The following DAOA variants were observed in gnomAD, a reference collection of about 807,000 sequenced individuals.
The protein encoded by DAOA is D-amino acid oxidase regulator.
DAOA carries 15 observed loss-of-function variants against 16.4 expected under a neutral mutation model. The ratio of observed to expected loss-of-function variants is 0.91; its 90% CI spans 0.61 to 1.41. The LOEUF is 1.41. Among genes scored for constraint, DAOA ranks in the 40% most tolerant of loss-of-function variants. DAOA has a pLI of 0.00. For synonymous variants in DAOA, 75 were observed against 59.1 expected, an observed-to-expected ratio of 1.27 and a Z score of -1.23; for missense variants, 230 against 176.8, an observed-to-expected ratio of 1.30 and a Z score of -1.71.
intron 4 of DAOA, among the ~76,000 whole-genome samples, chr13:105,473,395 C>T (rs779809855): frequency 1.4e-4 from 22 of 151,730 alleles, no homozygotes; most frequent in Admixed American, 3.3e-4. Context: ...TTAGGCTTAA[C>T]GAGAATAAGC....
chr13:105,482,945 C>T (rs1258400574), intron 4 of DAOA, among the ~76,000 whole-genome samples: 1 of 152,014 alleles, frequency 6.6e-6, no homozygotes, highest in African/African-American at 2.4e-5. Flanking sequence ...TGTGAATATA[C>T]CCTAAAAACA....
chr13:105,466,998 C>A, intron 2 of DAOA, 55 bp from the exon 3 acceptor site: 1 of 1,569,792 alleles, frequency 6.4e-7, no homozygotes, highest in Non-Finnish European at 8.6e-7. Context: ...TTCTTTCTCT[C>A]TTCTGCAGGG....
rs375390962 is a variant in DAOA at position 105,482,850 on chromosome 13, CT to C, written c.282-7044del. Among the ~76,000 whole-genome samples the C allele has an allele frequency of 1.8e-4, 27 of 152,162 alleles. No homozygotes were observed. In the East Asian group the frequency reaches 4.6e-3, roughly 26 times the overall value. On this transcript the variant is annotated intron_variant, in intron 4 of 5. Transcript: ENST00000375936. ...GAAATTGTGAACTTGGAAATAGGAA[CT>C]TTTTTTAAAATCAACTTTACAGAGG...
intron 1 of DAOA, 65 bp downstream of exon 1, chr13:105,466,125 CTGA>C: frequency 9.5e-7 from 1 of 1,056,616 alleles, no homozygotes; most frequent in South Asian, 1.8e-5. Flanking sequence ...TGGCAGTGTT[CTGA>C]TGATCTTTTG....
chr13:105,483,685 A>AT (rs201367437), intron 4 of DAOA, among the ~76,000 whole-genome samples: 4,567 of 150,780 alleles, frequency 0.03, 242 homozygotes, highest in African/African-American at 0.11. Context: ...GCTCATTTTT[A>AT]TTTTTTTTCT....
intron 3 of DAOA, among the ~76,000 whole-genome samples, chr13:105,471,421 A>G (rs1876948622): frequency 6.6e-6 from 1 of 152,198 alleles, no homozygotes; most frequent in Admixed American, 6.5e-5. Context: ...TTTGATATGA[A>G]GTTTACCTAG....
chr13:105,478,544 G>A (rs1363338284), intron 4 of DAOA, among the ~76,000 whole-genome samples: 1 of 152,080 alleles, frequency 6.6e-6, no homozygotes, highest in African/African-American at 2.4e-5. Context: ...ACACATTTTG[G>A]GGCATAGGGT....
In DAOA at chr13:105,481,331, T is replaced by C. The variant is rs368972234; in HGVS notation, c.282-8570T>C. 7.9e-5 allele frequency among the ~76,000 whole-genome samples: 12 copies of C among 152,048 alleles called. No individual in the cohort carries two copies. In the East Asian group the frequency reaches 1.4e-3, roughly 17 times the overall value. On this transcript the variant is annotated intron_variant, in intron 4 of 5. Coordinates refer to ENST00000375936, the MANE Select transcript of DAOA (RefSeq NM_172370.5). ...ATCCCACTTTAAAGAAGATTTGGGG[T>C]CTTAACTTGGTTCTGTCATTGTTCA...
At chr13:105,474,204 C>G (rs761836142) in intron 4 of DAOA, among the ~76,000 whole-genome samples, 1 of 151,726 alleles carries the variant, frequency 6.6e-6, no homozygotes, top group Non-Finnish European at 1.5e-5. Context: ...AGAATAATGC[C>G]AATGGGACTA....
chr13:105,468,861 C>T (rs948374250), intron 3 of DAOA, among the ~76,000 whole-genome samples: 2 of 152,126 alleles, frequency 1.3e-5, no homozygotes, highest in Non-Finnish European at 2.9e-5. Context: ...TGTGGGTAAA[C>T]AGGGAGAAGC....
chr13:105,476,914 C>T (rs1042548849), intron 4 of DAOA, among the ~76,000 whole-genome samples: 1 of 152,122 alleles, frequency 6.6e-6, no homozygotes, highest in Admixed American at 6.5e-5. Context: ...GGGCTCCTGT[C>T]AGCACCCATG....
chr13:105,466,811 A>C lies in DAOA; in HGVS notation c.45-242A>C, dbSNP rs72549467. Reference sequence around the variant, plus strand: ...TGAGAGCCAGTAAGACCTGGAGTGAACTCTCCTGTCAGCTATTTACCAACT... The same window carrying C: ...TGAGAGCCAGTAAGACCTGGAGTGACCTCTCCTGTCAGCTATTTACCAACT... On this transcript the variant is annotated intron_variant, in intron 2 of 5. Transcript: ENST00000375936. Among the ~76,000 whole-genome samples, 1,211 of 152,184 alleles carry C rather than the reference A, an allele frequency of 8.0e-3. 11 individuals carry two copies. Among genetic ancestry groups the C allele is most frequent in the African/African-American group, 0.025 (1,054 of 41,506 alleles).
In DAOA at chr13:105,478,880, A is replaced by C. The variant is rs539387261; in HGVS notation, c.281+6195A>C. Among the ~76,000 whole-genome samples the C allele has an allele frequency of 2.0e-5, 3 of 152,286 alleles. No homozygotes were observed. The East Asian group carries it at 5.8e-4, about 29-fold the overall frequency. ...CAGATGCCTGCCTACTTGGCTGAAA[A>C]AATGGGTGATCTTCAATTTTTAGCC... On this transcript the variant is annotated intron_variant, in intron 4 of 5. Coordinates refer to ENST00000375936, the MANE Select transcript of DAOA (RefSeq NM_172370.5).
Position 105,489,916 on chromosome 13 carries a change from C to A in DAOA, c.297C>A (p.Ser99Arg). ...CTCCTTACAGGCTTGAAGAAGTAAG[C>A]AGCCATGTTGGAAAAGTCTTCATGG... is the stretch of plus-strand genomic sequence containing the variant. Reference protein sequence around the residue: ...PQPYAELEEVSSHVGKVFMAR... With the variant: ...PQPYAELEEVRSHVGKVFMAR... The change falls in exon 5 of 6, where the codon AGC becomes AGA. Residue 99 changes from serine to arginine, a missense_variant. Transcript: ENST00000375936. 6.2e-7 allele frequency: 1 copy of A among 1,613,870 alleles called. No individual in the cohort carries two copies. Among genetic ancestry groups the A allele is most frequent in the Non-Finnish European group, 8.5e-7 (1 of 1,179,880 alleles).
At chr13:105,475,239 G>A (rs1877250208) in intron 4 of DAOA, among the ~76,000 whole-genome samples, 1 of 152,106 alleles carries the variant, frequency 6.6e-6, no homozygotes. Context: ...ATCCATGAAT[G>A]CAGAGCCTTG....
At chr13:105,483,969 A>G (rs529429522) in intron 4 of DAOA, among the ~76,000 whole-genome samples, 1 of 152,236 alleles carries the variant, frequency 6.6e-6, no homozygotes, top group Non-Finnish European at 1.5e-5. Flanking sequence ...GCTAATTGAC[A>G]CTGTTAGTCT....
At chr13:105,488,455 G>A (rs1379535280) in intron 4 of DAOA, among the ~76,000 whole-genome samples, 1 of 152,190 alleles carries the variant, frequency 6.6e-6, no homozygotes, top group African/African-American at 2.4e-5. Context: ...ATTGGGTAAT[G>A]ACTGTAACTA....
At chr13:105,480,370 C>A (rs7998530) in intron 4 of DAOA, among the ~76,000 whole-genome samples, 44,250 of 151,584 alleles carry the variant, frequency 0.29, 7,703 homozygotes, top group East Asian at 0.57. Context: ...GTTTTTGGTT[C>A]CTAAGAGTCA....
chr13:105,476,021 G>A (rs917655277), intron 4 of DAOA, among the ~76,000 whole-genome samples: 1 of 152,022 alleles, frequency 6.6e-6, no homozygotes, highest in African/African-American at 2.4e-5. Context: ...TTATGATAGG[G>A]GAGAGGACTA....
Sources: gnomAD v4.1 joint callset for allele counts (sites outside exome capture counted in the v4.1 genomes callset) on GRCh38, gnomAD v4.1.1 for gene constraint, MANE v1.5 for transcripts, NCBI Gene and HGNC (gene_info 2026-07-23, HGNC 2026-07-21) for gene names.